RNF11: variants seen among roughly 807,000 people sequenced by gnomAD.
RNF11 encodes the protein ring finger protein 11.
RNF11 carries 4 observed loss-of-function variants against 15.8 expected under a neutral mutation model. That is an observed-to-expected ratio of 0.25 (90% CI 0.12 to 0.58). RNF11 has a LOEUF of 0.58. Among genes scored for constraint, RNF11 ranks in the 20% least tolerant of loss-of-function variants. The pLI is 0.91. For synonymous variants in RNF11, 68 were observed against 72.3 expected (o/e 0.94, Z 0.30); for missense variants, 139 against 194.4 (o/e 0.71, Z 1.70).
At chr1:51,264,634 T>C (rs552635099) in intron 1 of RNF11, among the ~76,000 whole-genome samples, 1 of 152,300 alleles carries the variant, frequency 6.6e-6, no homozygotes, top group East Asian at 1.9e-4. Context: ...CTGGCTCTTA[T>C]TTCCTACTGG....
Position 51,270,008 on chromosome 1 carries a change from C to T in RNF11, c.176C>T (p.Ala59Val). 3.7e-6 allele frequency: 6 copies of T among 1,613,588 alleles called. No individual in the cohort carries two copies. Among genetic ancestry groups the T allele is most frequent in the Non-Finnish European group, 5.1e-6 (6 of 1,179,724 alleles). ...CCAACACCTAGCCAGACTCGGCTAG[C>T]AACTCAGCTGACTGAAGAGGAACAA... ...YHPTPSQTRL[A>V]TQLTEEEQIR... The change falls in exon 2 of 3, where the codon GCA (alanine) becomes GTA (valine). Residue 59 changes from alanine (A) to valine (V), a missense_variant. Transcript: ENST00000242719.
chr1:51,236,921 T>C, intron 1 of RNF11, 42 bp downstream of exon 1: 9 of 1,575,422 alleles, frequency 5.7e-6, no homozygotes, highest in South Asian at 1.2e-5. Context: ...TAGAGGCAGC[T>C]CTGGCGGAGA....
rs1646984667 is a variant in RNF11, at chr1:51,272,657, G to T, written c.*1335G>T. ...TAGTAATGTTTTATCCATTTAGCAT[G>T]TGTTTATTTTTTCATATGTACTCAA... On this transcript the variant is annotated 3_prime_UTR_variant, in exon 3 of 3. Transcript: ENST00000242719. 6.6e-6 allele frequency: 1 copy of T among 152,174 alleles called. No homozygotes were observed. Among genetic ancestry groups the T allele is most frequent in the South Asian group, 2.1e-4 (1 of 4,832 alleles). 9.4% of individuals were successfully genotyped at this position (152,174 alleles called of 1,614,324 possible).
chr1:51,264,807 T>C (rs1646947696), intron 1 of RNF11: 1 of 152,190 alleles, frequency 6.6e-6, no homozygotes, highest in Non-Finnish European at 1.5e-5. Context: ...ATTCCCTAAA[T>C]TGAATCCAAC....
intron 1 of RNF11, among the ~76,000 whole-genome samples, chr1:51,252,735 A>G (rs1380449022): frequency 6.6e-6 from 1 of 152,010 alleles, no homozygotes; most frequent in East Asian, 1.9e-4. Context: ...CCCAGTGAGT[A>G]GTAGAGTTAA....
intron 1 of RNF11, among the ~76,000 whole-genome samples, chr1:51,256,949 C>T (rs1013768780): frequency 1.7e-4 from 26 of 152,234 alleles, no homozygotes; most frequent in African/African-American, 4.6e-4. Context: ...GCTGGGATTA[C>T]TGGCGTGAGC....
At chr1:51,246,628 G>A (rs956732215) in intron 1 of RNF11, among the ~76,000 whole-genome samples, 5 of 152,100 alleles carry the variant, frequency 3.3e-5, no homozygotes, top group Non-Finnish European at 7.4e-5. Context: ...AGGCTGAGGC[G>A]GGAGGATTGC....
intron 1 of RNF11, among the ~76,000 whole-genome samples, chr1:51,248,467 G>T (rs1417065456): frequency 6.6e-6 from 1 of 152,034 alleles, no homozygotes; most frequent in Non-Finnish European, 1.5e-5. Context: ...CTCACAAAGT[G>T]CTGGGATTAC....
At chr1:51,268,301 A>C in intron 1 of RNF11, among the ~76,000 whole-genome samples, 1 of 152,192 alleles carries the variant, frequency 6.6e-6, no homozygotes, top group Non-Finnish European at 1.5e-5. Context: ...CCTTTCCTCT[A>C]TGGTTTTCTG....
At chr1:51,251,782 A>G (rs563422484) in intron 1 of RNF11, among the ~76,000 whole-genome samples, 11 of 152,238 alleles carry the variant, frequency 7.2e-5, no homozygotes, top group African/African-American at 2.6e-4. Context: ...ACAAAAAATC[A>G]AAAGAATTAG....
rs141818971 is a variant in RNF11, at chr1:51,236,752, G to T, written c.-5G>T. 6.2e-7 allele frequency: 1 copy of T among 1,613,012 alleles called. No homozygotes were observed. The highest frequency in any genetic ancestry group is 1.1e-5 in the South Asian group (1 of 90,986). On this transcript the variant is annotated 5_prime_UTR_variant, in exon 1 of 3. Coordinates refer to ENST00000242719, the MANE Select transcript of RNF11 (RefSeq NM_014372.5). The stretch of plus-strand genomic sequence containing the variant: ...CCCCCAGATCACGCACCCCAGCTCC[G>T]GAAGATGGGGAACTGCCTCAAATCC...
chr1:51,264,905 G>C (rs1342879302), intron 1 of RNF11: 1 of 152,140 alleles, frequency 6.6e-6, no homozygotes, highest in African/African-American at 2.4e-5. Flanking sequence ...ATTAGGGCCC[G>C]ATACATTCTT....
intron 1 of RNF11, among the ~76,000 whole-genome samples, chr1:51,243,403 A>T (rs1421482244): frequency 6.6e-6 from 1 of 152,056 alleles, no homozygotes; most frequent in Non-Finnish European, 1.5e-5. Context: ...CCCGGATCAG[A>T]TCACTTGCCT....
At chr1:51,269,233 C>A (rs987944758) in intron 1 of RNF11, among the ~76,000 whole-genome samples, 1 of 152,206 alleles carries the variant, frequency 6.6e-6, no homozygotes, top group Admixed American at 6.5e-5. Flanking sequence ...CTAGGCCACA[C>A]TCCATCCCAG....
At chr1:51,255,297 G>C (rs1281765420) in intron 1 of RNF11, among the ~76,000 whole-genome samples, 1 of 152,152 alleles carries the variant, frequency 6.6e-6, no homozygotes, top group African/African-American at 2.4e-5. Context: ...GTCTCACACT[G>C]TTGCCCATGC....
intron 1 of RNF11, among the ~76,000 whole-genome samples, chr1:51,239,639 C>A (rs1350215829): frequency 6.6e-6 from 1 of 152,204 alleles, no homozygotes; most frequent in Admixed American, 6.5e-5. Context: ...CAGCCTCAAA[C>A]TCCTGGCTTC....
chr1:51,257,848 CTTTTCTTTTT>C (rs1242244621), intron 1 of RNF11, among the ~76,000 whole-genome samples: 1 of 84,930 alleles, frequency 1.2e-5, no homozygotes, highest in Non-Finnish European at 2.4e-5. Context: ...CTTTTCTTTT[CTTTTCTTTTT>C]TTTTTTTTTT....
intron 1 of RNF11, among the ~76,000 whole-genome samples, chr1:51,261,378 C>G (rs1386041911): frequency 6.6e-6 from 1 of 152,098 alleles, no homozygotes; most frequent in African/African-American, 2.4e-5. Flanking sequence ...GAGAGGCAAT[C>G]CCAGAGTGAG....
At chr1:51,242,688 C>G (rs1294144393) in intron 1 of RNF11, among the ~76,000 whole-genome samples, 1 of 151,994 alleles carries the variant, frequency 6.6e-6, no homozygotes, top group African/African-American at 2.4e-5. Flanking sequence ...GTTTCGAACT[C>G]CTGGGCTCAA....
Sources: allele counts gnomAD v4.1 joint callset (sites outside exome capture counted in the v4.1 genomes callset), GRCh38; gene constraint gnomAD v4.1.1; transcripts MANE v1.5; gene names NCBI Gene and HGNC (gene_info 2026-07-23, HGNC 2026-07-21).